The following PDSS2 variants were observed in gnomAD, a reference collection of about 807,000 sequenced individuals.
The protein encoded by PDSS2 is all trans-polyprenyl-diphosphate synthase PDSS2.
PDSS2 carries 31 observed loss-of-function variants against 44.5 expected under a neutral mutation model. The observed-to-expected ratio is 0.70, with a 90% CI of 0.52 to 0.94. The LOEUF (loss-of-function observed/expected upper bound fraction) is 0.94, where lower values mean the gene tolerates loss of function less well. PDSS2 is among the 40% of genes least tolerant of loss of function. The pLI is 0.00. For missense variants in PDSS2, 452 were observed against 482.2 expected (o/e 0.94, Z 0.59); for synonymous variants, 157 against 180.3 (o/e 0.87, Z 1.03).
rs146154764 is a variant in PDSS2 at position 107,189,886 on chromosome 6, G to A, written c.1041+3936C>T. Among the ~76,000 whole-genome samples the A allele has an allele frequency of 2.2e-4, 34 of 151,984 alleles. No individual in the cohort carries two copies. In the East Asian group the frequency reaches 5.0e-3, roughly 23 times the overall value. ...CCAGTCTGGGTAACAGCGAGACCTC[G>A]TTCCTTAAAATTAAATAAATAAAGA... On this transcript the variant is annotated intron_variant, in intron 7 of 7. Transcript: ENST00000369037.
chr6:107,278,278 G>C (rs1775854757), intron 2 of PDSS2, among the ~76,000 whole-genome samples: 2 of 152,262 alleles, frequency 1.3e-5, no homozygotes, highest in Admixed American at 6.5e-5. Flanking sequence ...TCATGGTTTA[G>C]ATTAAAATCT....
Position 107,426,770 on chromosome 6 carries a change from T to C in PDSS2, c.296+32220A>G, listed in dbSNP as rs186035954. Among the ~76,000 whole-genome samples the C allele has an allele frequency of 1.1e-3, 163 of 152,274 alleles. 1 individual carries two copies. The highest frequency in any genetic ancestry group is 2.0e-3 in the Non-Finnish European group (133 of 68,024). Reference sequence around the variant, plus strand: ...AGTTTTACGATATGACTGCCCTGCTTGATTTTGGACTTGCATGAGGCCTGT... The same window carrying C: ...AGTTTTACGATATGACTGCCCTGCTCGATTTTGGACTTGCATGAGGCCTGT... On this transcript the variant is annotated intron_variant, in intron 1 of 7. Transcript: ENST00000369037.
Position 107,372,156 on chromosome 6 carries a change from G to C in PDSS2, c.297-37824C>G, listed in dbSNP as rs147719692. ...ACTTCTATTCTAGCAGGCAGTCAAG[G>C]GGGGTAGTCACCAAACTGTGGGCTG... is the stretch of plus-strand genomic sequence containing the variant. On this transcript the variant is annotated intron_variant, in intron 1 of 7. Transcript: ENST00000369037. Among the ~76,000 whole-genome samples, 74 of 152,240 alleles carry C rather than the reference G, an allele frequency of 4.9e-4. 1 individual carries two copies. The East Asian group carries it at 0.011, about 22-fold the overall frequency.
Position 107,454,602 on chromosome 6 carries a change from G to A in PDSS2, c.296+4388C>T, listed in dbSNP as rs561252662. On this transcript the variant is annotated intron_variant, in intron 1 of 7. Transcript: ENST00000369037. ...CCCTTTTCTTGACAAGATGTCTTAG[G>A]TAAAGAGATCAGTGAATAGCAAATT... Among the ~76,000 whole-genome samples, 7 of 151,276 alleles carry A rather than the reference G, an allele frequency of 4.6e-5. No homozygotes were observed. In the East Asian group the frequency reaches 1.4e-3, roughly 29 times the overall value.
chr6:107,298,959 T>C (rs932815759), intron 2 of PDSS2, among the ~76,000 whole-genome samples: 3 of 151,986 alleles, frequency 2.0e-5, no homozygotes, highest in African/African-American at 7.2e-5. Flanking sequence ...CTGGGCAACA[T>C]AGCAAAACCC....
chr6:107,264,297 G>A lies in PDSS2; in HGVS notation c.630+9732C>T, dbSNP rs140833295. The A allele has an allele frequency of 5.8e-5, 82 of 1,407,008 alleles. No individual in the cohort carries two copies. The African/African-American group carries it at 8.2e-4, about 14-fold the overall frequency. 87.2% of individuals were successfully genotyped at this position (1,407,008 alleles called of 1,614,324 possible). A position where few individuals can be genotyped will look rare whatever the true frequency, so the allele number is the denominator to read the frequency against. On this transcript the variant is annotated intron_variant, in intron 3 of 7. Coordinates refer to ENST00000369037, the MANE Select transcript of PDSS2 (RefSeq NM_020381.4). ...ACTTCATTTTAAACAACATATTTAC[G>A]CCTTTAGGAAAACAAAGTTAACATA...
At chr6:107,296,019 T>A (rs539941145) in intron 2 of PDSS2, among the ~76,000 whole-genome samples, 1 of 152,302 alleles carries the variant, frequency 6.6e-6, no homozygotes, top group East Asian at 1.9e-4. Context: ...AAAAATGTCA[T>A]TTCTAAGCAA....
At chr6:107,292,322 C>T (rs960113599) in intron 2 of PDSS2, among the ~76,000 whole-genome samples, 4 of 151,718 alleles carry the variant, frequency 2.6e-5, no homozygotes, top group East Asian at 1.9e-4. Context: ...TTAAAATAAT[C>T]ACAGCTTAAC....
At chr6:107,195,987 A>G (rs1327806649) in intron 6 of PDSS2, among the ~76,000 whole-genome samples, 2 of 152,242 alleles carry the variant, frequency 1.3e-5, no homozygotes, top group Non-Finnish European at 2.9e-5. Flanking sequence ...CTCTGCAACC[A>G]ATCTACTATA....
chr6:107,397,591 G>C (rs1779989188), intron 1 of PDSS2, among the ~76,000 whole-genome samples: 1 of 152,172 alleles, frequency 6.6e-6, no homozygotes, highest in Non-Finnish European at 1.5e-5. Flanking sequence ...GTTGCAAGCT[G>C]AATTAGCTGG....
At chr6:107,454,568 G>A (rs899423107) in intron 1 of PDSS2, among the ~76,000 whole-genome samples, 11 of 151,690 alleles carry the variant, frequency 7.3e-5, no homozygotes, top group African/African-American at 1.7e-4. Flanking sequence ...TCACATCTAG[G>A]CTGTTTTTCC....
intron 7 of PDSS2, among the ~76,000 whole-genome samples, chr6:107,165,755 C>G (rs1582722429): frequency 6.6e-6 from 1 of 150,802 alleles, no homozygotes; most frequent in Admixed American, 6.6e-5. Flanking sequence ...TTACCTTGGG[C>G]AGTATGGCCA....
intron 7 of PDSS2, among the ~76,000 whole-genome samples, chr6:107,158,248 C>T (rs1554246062): frequency 1.3e-5 from 2 of 149,684 alleles, no homozygotes; most frequent in African/African-American, 2.5e-5. Flanking sequence ...TGCAGTGGCG[C>T]GATTGTGGCT....
chr6:107,241,245 TAAAA>T (rs35226308), intron 4 of PDSS2, among the ~76,000 whole-genome samples: 1 of 98,108 alleles, frequency 1.0e-5, no homozygotes, highest in Admixed American at 1.2e-4. Flanking sequence ...CGAGACTCGG[TAAAA>T]AAAAAAAAAA....
At chr6:107,371,352 T>C (rs1779124409) in intron 1 of PDSS2, among the ~76,000 whole-genome samples, 1 of 152,150 alleles carries the variant, frequency 6.6e-6, no homozygotes, top group African/African-American at 2.4e-5. Flanking sequence ...AATTCAGGTG[T>C]ATGGGAAAAG....
intron 4 of PDSS2, among the ~76,000 whole-genome samples, chr6:107,227,331 C>A (rs1339398703): frequency 1.4e-5 from 2 of 139,692 alleles, no homozygotes; most frequent in Non-Finnish European, 3.0e-5. Flanking sequence ...CTCTGTGGCC[C>A]AGGCTGGAGT....
At chr6:107,407,449 T>A (rs547825593) in intron 1 of PDSS2, among the ~76,000 whole-genome samples, 39 of 152,328 alleles carry the variant, frequency 2.6e-4, no homozygotes, top group Non-Finnish European at 4.9e-4. Context: ...GTTATGTATA[T>A]TTTACCACAA....
intron 4 of PDSS2, among the ~76,000 whole-genome samples, chr6:107,236,540 G>A (rs964693339): frequency 2.0e-5 from 3 of 151,786 alleles, no homozygotes; most frequent in Non-Finnish European, 4.4e-5. Flanking sequence ...CTTTTAGGAA[G>A]AAGGAAAATA....
At chr6:107,300,487 G>T (rs952854693) in intron 2 of PDSS2, among the ~76,000 whole-genome samples, 1 of 152,054 alleles carries the variant, frequency 6.6e-6, no homozygotes, top group African/African-American at 2.4e-5. Flanking sequence ...GAAGGAGACC[G>T]CACCCACCTC....
Sources: allele counts gnomAD v4.1 joint callset (sites outside exome capture counted in the v4.1 genomes callset), GRCh38; gene constraint gnomAD v4.1.1; transcripts MANE v1.5; gene names NCBI Gene and HGNC (gene_info 2026-07-23, HGNC 2026-07-21).